The following MSRA variants were observed in gnomAD, a reference collection of about 807,000 sequenced individuals.
MSRA encodes the protein mitochondrial peptide methionine sulfoxide reductase.
A neutral mutation model predicts 31.3 loss-of-function variants in MSRA; 54 were observed. That is an observed-to-expected ratio of 1.73 (90% CI 1.39 to 2.17). The LOEUF (loss-of-function observed/expected upper bound fraction) is 2.17. MSRA is among the 30% of genes most tolerant of loss of function. The pLI is 0.00. For missense variants in MSRA, 507 were observed against 300.9 expected, an observed-to-expected ratio of 1.69 and a Z score of -5.07; for synonymous variants, 169 against 116.5, an observed-to-expected ratio of 1.45 and a Z score of -2.90.
chr8:10,184,240 A>G (rs539269415), intron 1 of MSRA, among the ~76,000 whole-genome samples: 2 of 151,290 alleles, frequency 1.3e-5, no homozygotes, highest in Non-Finnish European at 3.0e-5. Flanking sequence ...GGTTGTGTTG[A>G]TGATTTTGGT....
rs534642712 is a variant in MSRA at position 10,074,058 on chromosome 8, C to CTTTTTTTTTTTTTTTTTTTTTT, written c.142+19419_142+19440dup. Among the ~76,000 whole-genome samples the CTTTTTTTTTTTTTTTTTTTTTT allele has an allele frequency of 2.7e-4, 8 of 29,454 alleles. 2 individuals are homozygous for CTTTTTTTTTTTTTTTTTTTTTT. Among genetic ancestry groups the CTTTTTTTTTTTTTTTTTTTTTT allele is most frequent in the African/African-American group, 4.8e-4 (4 of 8,280 alleles). 19.3% of individuals were successfully genotyped at this position (29,454 alleles called of 152,430 possible). A position where few individuals can be genotyped will look rare whatever the true frequency, so the allele number is the denominator to read the frequency against. On this transcript the variant is annotated intron_variant, in intron 1 of 5. Transcript: ENST00000317173. ...CATTTTGTTTTGTCTAAGGGAGGTG[C>CTTTTTTTTTTTTTTTTTTTTTT]TTTTTTTTTTTTTTTTTTTTTTTTT...
chr8:10,217,786 A>G (rs1354486982), intron 2 of MSRA, among the ~76,000 whole-genome samples: 1 of 152,158 alleles, frequency 6.6e-6, no homozygotes, highest in Non-Finnish European at 1.5e-5. Context: ...ATATCATCAA[A>G]TCTCCAGTGA....
intron 1 of MSRA, among the ~76,000 whole-genome samples, chr8:10,104,652 G>T (rs540784673): frequency 6.6e-6 from 1 of 152,330 alleles, no homozygotes; most frequent in Admixed American, 6.5e-5. Context: ...AGGTTTCAGA[G>T]AGAATAGATT....
At chr8:10,308,341 G>C (rs1563333991) in intron 4 of MSRA, among the ~76,000 whole-genome samples, 3 of 152,190 alleles carry the variant, frequency 2.0e-5, no homozygotes, top group African/African-American at 7.2e-5. Context: ...TGTTAAGAGT[G>C]TGGACCCTGG....
intron 5 of MSRA, among the ~76,000 whole-genome samples, chr8:10,338,950 TG>T (rs556205507): frequency 2.2e-4 from 34 of 152,354 alleles, no homozygotes; most frequent in African/African-American, 7.9e-4. Context: ...TTGGCAGAAT[TG>T]GGTTGTGGGG....
chr8:10,201,970 A>G (rs1337873493), intron 1 of MSRA, among the ~76,000 whole-genome samples: 1 of 152,174 alleles, frequency 6.6e-6, no homozygotes, highest in African/African-American at 2.4e-5. Context: ...GGAGGCACCC[A>G]CTCTGCTATG....
At chr8:10,333,284 C>T (rs1802814481) in intron 5 of MSRA, among the ~76,000 whole-genome samples, 1 of 152,100 alleles carries the variant, frequency 6.6e-6, no homozygotes, top group South Asian at 2.1e-4. Context: ...GATGATTTTA[C>T]GGTGTATCCA....
intron 1 of MSRA, among the ~76,000 whole-genome samples, chr8:10,087,302 G>A (rs942222884): frequency 6.6e-6 from 1 of 151,668 alleles, no homozygotes; most frequent in Non-Finnish European, 1.5e-5. Flanking sequence ...GAGCATGTCT[G>A]TGCTTCTACC....
intron 2 of MSRA, among the ~76,000 whole-genome samples, chr8:10,212,741 G>T (rs1186423062): frequency 6.6e-6 from 1 of 152,112 alleles, no homozygotes; most frequent in African/African-American, 2.4e-5. Flanking sequence ...TGGTAGAGTG[G>T]TCATCCTTAA....
chr8:10,240,416 G>C (rs1390714998), intron 2 of MSRA, among the ~76,000 whole-genome samples: 1 of 152,162 alleles, frequency 6.6e-6, no homozygotes, highest in Non-Finnish European at 1.5e-5. Context: ...TACTAGGGTA[G>C]CCAGTGAAGA....
At chr8:10,256,072 A>G (rs112163018) in intron 3 of MSRA, among the ~76,000 whole-genome samples, 21 of 152,148 alleles carry the variant, frequency 1.4e-4, no homozygotes, top group African/African-American at 5.1e-4. Flanking sequence ...TCCACCATGA[A>G]GTTATTGTAC....
At chr8:10,222,479 T>C (rs865882891) in intron 2 of MSRA, among the ~76,000 whole-genome samples, 1 of 152,202 alleles carries the variant, frequency 6.6e-6, no homozygotes, top group Non-Finnish European at 1.5e-5. Context: ...AAGACTATTA[T>C]ATCATTCAAC....
intron 1 of MSRA, among the ~76,000 whole-genome samples, chr8:10,144,926 C>T (rs1803011493): frequency 6.6e-6 from 1 of 151,966 alleles, no homozygotes; most frequent in Admixed American, 6.6e-5. Flanking sequence ...TTTGCAAAGA[C>T]TCTGCCTTCA....
intron 1 of MSRA, among the ~76,000 whole-genome samples, chr8:10,070,545 A>G (rs1797678924): frequency 6.6e-6 from 1 of 152,222 alleles, no homozygotes; most frequent in South Asian, 2.1e-4. Context: ...TTGCAAAACT[A>G]TAGTACGTCA....
At chr8:10,342,209 G>A (rs1803472541) in intron 5 of MSRA, among the ~76,000 whole-genome samples, 1 of 152,148 alleles carries the variant, frequency 6.6e-6, no homozygotes, top group African/African-American at 2.4e-5. Context: ...GCATGGCCTT[G>A]AGCAGCAGTT....
In MSRA at chr8:10,098,226, G is replaced by A. The variant is rs941151718; in HGVS notation, c.142+43568G>A. Among the ~76,000 whole-genome samples, 8 of 152,110 alleles carry A rather than the reference G, an allele frequency of 5.3e-5. No homozygotes were observed. The East Asian group carries it at 1.5e-3, about 29-fold the overall frequency. ...GTATATAAATACTATTGGTTTGATT[G>A]TAAATGAACCCTATCTCACCTCATA... On this transcript the variant is annotated intron_variant, in intron 1 of 5. Coordinates refer to ENST00000317173, the MANE Select transcript of MSRA (RefSeq NM_012331.5).
chr8:10,160,501 A>G (rs546449284), intron 1 of MSRA, among the ~76,000 whole-genome samples: 15 of 152,122 alleles, frequency 9.9e-5, no homozygotes, highest in Non-Finnish European at 1.9e-4. Context: ...TCTAAAAAAA[A>G]AAAAAAATCT....
intron 1 of MSRA, among the ~76,000 whole-genome samples, chr8:10,057,640 C>CT (rs1205220031): frequency 1.3e-5 from 2 of 152,070 alleles, no homozygotes; most frequent in African/African-American, 4.8e-5. Flanking sequence ...GGGGGGTGGA[C>CT]TTTCCCCTTG....
intron 3 of MSRA, among the ~76,000 whole-genome samples, chr8:10,262,438 C>A (rs986091851): frequency 5.3e-5 from 8 of 151,876 alleles, no homozygotes; most frequent in African/African-American, 1.9e-4. Flanking sequence ...AGTGGTATCT[C>A]CTTATTGTTT....
Sources: allele counts gnomAD v4.1 joint callset (sites outside exome capture counted in the v4.1 genomes callset), GRCh38; gene constraint gnomAD v4.1.1; transcripts MANE v1.5; gene names NCBI Gene and HGNC (gene_info 2026-07-23, HGNC 2026-07-21).